SLC4A4: variants seen among roughly 807,000 people sequenced by gnomAD.
SLC4A4 encodes the protein solute carrier family 4 member 4.
Under a neutral mutation model 111.5 loss-of-function variants are expected in SLC4A4, and 27 were observed. That is an observed-to-expected ratio of 0.24 (90% CI 0.18 to 0.33). The LOEUF (loss-of-function observed/expected upper bound fraction) is 0.33, where lower values mean the gene tolerates loss of function less well. SLC4A4 is among the 10% of genes least tolerant of loss of function. The pLI, the probability that SLC4A4 is intolerant of heterozygous loss-of-function variation, is 1.00. For synonymous variants in SLC4A4, 443 were observed against 463.4 expected (o/e 0.96, Z 0.57); for missense variants, 909 against 1,315.5 (o/e 0.69, Z 4.78).
intron 1 of SLC4A4, among the ~76,000 whole-genome samples, chr4:71,228,862 C>T (rs1337280815): frequency 6.6e-6 from 1 of 152,178 alleles, no homozygotes; most frequent in East Asian, 1.9e-4. Context: ...AATGTCATAA[C>T]CAGCATATTG....
chr4:71,101,541 G>A (rs1414599571), intron 2 of SLC4A4, among the ~76,000 whole-genome samples: 1 of 152,178 alleles, frequency 6.6e-6, no homozygotes, highest in Non-Finnish European at 1.5e-5. Context: ...TTGTCAGAGA[G>A]CAGTGGTTTT....
intron 2 of SLC4A4, among the ~76,000 whole-genome samples, chr4:71,144,071 T>C (rs550555598): frequency 6.6e-6 from 1 of 152,386 alleles, no homozygotes; most frequent in Non-Finnish European, 1.5e-5. Context: ...AGGGTTTTTA[T>C]GGTTTTAGGT....
chr4:71,335,870 T>C (rs758147980), intron 3 of SLC4A4, among the ~76,000 whole-genome samples: 3 of 152,176 alleles, frequency 2.0e-5, no homozygotes, highest in Admixed American at 6.5e-5. Context: ...ATATTCATTG[T>C]ACCTTGTATC....
At chr4:71,530,493 C>T (rs112089934) in intron 16 of SLC4A4, among the ~76,000 whole-genome samples, 26 of 152,156 alleles carry the variant, frequency 1.7e-4, no homozygotes, top group African/African-American at 5.5e-4. Flanking sequence ...ATTATCTACC[C>T]AAATTGATTC....
At chr4:71,160,424 T>C (rs569470514) in intron 2 of SLC4A4, among the ~76,000 whole-genome samples, 3 of 152,132 alleles carry the variant, frequency 2.0e-5, no homozygotes, top group Admixed American at 2.0e-4. Context: ...GATAAAATTG[T>C]AATTCTTCTA....
intron 16 of SLC4A4, among the ~76,000 whole-genome samples, chr4:71,528,460 T>G (rs1191038549): frequency 6.6e-6 from 1 of 152,114 alleles, no homozygotes; most frequent in African/African-American, 2.4e-5. Flanking sequence ...TTGAATGGAT[T>G]TAACTTTACA....
intron 8 of SLC4A4, among the ~76,000 whole-genome samples, chr4:71,444,028 A>G (rs1284804591): frequency 6.6e-6 from 1 of 152,218 alleles, no homozygotes; most frequent in Non-Finnish European, 1.5e-5. Context: ...CAAAGCTGAT[A>G]AAGATGAATA....
intron 7 of SLC4A4, among the ~76,000 whole-genome samples, chr4:71,427,094 C>A (rs1723214248): frequency 6.6e-6 from 1 of 152,014 alleles, no homozygotes; most frequent in Admixed American, 6.6e-5. Flanking sequence ...TGTGAACACA[C>A]CTATATAATT....
At position 71,129,376 on chromosome 4, in the gene SLC4A4, T is replaced by C. The variant is rs541336992; in HGVS notation, c.-2+36584T>C. On this transcript the variant is annotated intron_variant, in intron 2 of 26. Coordinates refer to the SLC4A4 transcript ENST00000649996. ...AGTATATGAAAAAAAATGCTCAACA[T>C]CATTAATTATTAGAGAAATGCAAAT... Among the ~76,000 whole-genome samples, 7 of 152,270 alleles carry C rather than the reference T, an allele frequency of 4.6e-5. No individual in the cohort carries two copies. The East Asian group carries it at 9.6e-4, about 21-fold the overall frequency.
At chr4:71,203,804 C>A (rs76946468) in intron 1 of SLC4A4, among the ~76,000 whole-genome samples, 1 of 152,066 alleles carries the variant, frequency 6.6e-6, no homozygotes, top group Admixed American at 6.6e-5. Context: ...AAATGTAATG[C>A]GGTCAGGGAC....
At chr4:71,274,781 G>A (rs1404757080) in intron 3 of SLC4A4, among the ~76,000 whole-genome samples, 5 of 152,138 alleles carry the variant, frequency 3.3e-5, no homozygotes, top group Non-Finnish European at 5.9e-5. Flanking sequence ...GGAATGAAGA[G>A]TCAGTGTGGA....
At chr4:71,238,129 C>T (rs1719937403) in intron 2 of SLC4A4, among the ~76,000 whole-genome samples, 1 of 152,072 alleles carries the variant, frequency 6.6e-6, no homozygotes, top group Non-Finnish European at 1.5e-5. Flanking sequence ...AGCAAATAGC[C>T]TATAGTTTTA....
chr4:71,092,834 C>A (rs962627000), intron 2 of SLC4A4, among the ~76,000 whole-genome samples: 3 of 152,162 alleles, frequency 2.0e-5, no homozygotes, highest in Admixed American at 1.3e-4. Flanking sequence ...CAGTGGCTCA[C>A]GCCTGTAATC....
chr4:71,438,478 G>A (rs1724372594), intron 7 of SLC4A4, among the ~76,000 whole-genome samples: 1 of 152,260 alleles, frequency 6.6e-6, no homozygotes, highest in Admixed American at 6.5e-5. Context: ...AAAGAGTATT[G>A]TAACTATTTG....
chr4:71,270,126 C>A (rs1722597201), intron 3 of SLC4A4, among the ~76,000 whole-genome samples: 1 of 152,206 alleles, frequency 6.6e-6, no homozygotes, highest in African/African-American at 2.4e-5. Flanking sequence ...TCGCTCTTGT[C>A]CCCCAGGCAA....
chr4:71,519,654 T>TTG (rs1553925609), intron 16 of SLC4A4, among the ~76,000 whole-genome samples: 1 of 152,050 alleles, frequency 6.6e-6, no homozygotes. Flanking sequence ...TCATTTTTTT[T>TTG]GACAGAGTCT....
At chr4:71,234,348 A>G (rs1431729137) in intron 1 of SLC4A4, among the ~76,000 whole-genome samples, 1 of 152,266 alleles carries the variant, frequency 6.6e-6, no homozygotes, top group Non-Finnish European at 1.5e-5. Context: ...ATATTTGCTG[A>G]ACCAGTGAAT....
At chr4:71,431,350 A>G (rs549110604) in intron 7 of SLC4A4, among the ~76,000 whole-genome samples, 30 of 152,156 alleles carry the variant, frequency 2.0e-4, no homozygotes, top group African/African-American at 7.2e-4. Context: ...TCACTTAATT[A>G]AATATTGGAA....
In SLC4A4 at chr4:71,069,988, A is replaced by G. The variant is rs115288642; in HGVS notation, c.-65+7200A>G. ...TGTTTAAGGATTTCCTGTCTCACAA[A>G]TAACCCTCATAAGTCTGTCTTTGGA... is the stretch of plus-strand genomic sequence containing the variant. On this transcript the variant is annotated intron_variant, in intron 1 of 26. Coordinates refer to the SLC4A4 transcript ENST00000649996. Among the ~76,000 whole-genome samples the G allele has an allele frequency of 8.7e-3, 1,319 of 152,300 alleles. 20 individuals are homozygous for G. Among genetic ancestry groups the G allele is most frequent in the African/African-American group, 0.03 (1,248 of 41,568 alleles).
Sources: allele counts gnomAD v4.1 joint callset (sites outside exome capture counted in the v4.1 genomes callset), GRCh38; gene constraint gnomAD v4.1.1; transcripts MANE v1.5; gene names NCBI Gene and HGNC (gene_info 2026-07-23, HGNC 2026-07-21).